Variants in PACRG observed in about 807,000 individuals in gnomAD.
The protein encoded by PACRG is parkin coregulated gene protein.
Under a neutral mutation model 29.7 loss-of-function variants are expected in PACRG, and 29 were observed. That is an observed-to-expected ratio of 0.98 (90% CI 0.73 to 1.33). The LOEUF (loss-of-function observed/expected upper bound fraction) is 1.33. Ranked by LOEUF, PACRG falls within the 40% of genes most tolerant of loss-of-function variation. The pLI is 0.00. For synonymous variants in PACRG, 116 were observed against 118.7 expected, an observed-to-expected ratio of 0.98 and a Z score of 0.15; for missense variants, 279 against 316.2, an observed-to-expected ratio of 0.88 and a Z score of 0.89.
chr6:162,779,022 G>A (rs545329492), intron 1 of PACRG, among the ~76,000 whole-genome samples: 41 of 152,218 alleles, frequency 2.7e-4, no homozygotes, highest in African/African-American at 4.1e-4. Context: ...TTCCTGATGC[G>A]TTCCCTCCCT....
intron 4 of PACRG, among the ~76,000 whole-genome samples, chr6:163,197,744 C>T (rs748358343): frequency 1.1e-4 from 16 of 152,056 alleles, no homozygotes; most frequent in Middle Eastern, 3.2e-3. Context: ...CCACTGAGCC[C>T]GCCGGCTATT....
At chr6:162,842,478 G>A (rs1789881521) in intron 2 of PACRG, among the ~76,000 whole-genome samples, 2 of 152,020 alleles carry the variant, frequency 1.3e-5, no homozygotes, top group Non-Finnish European at 2.9e-5. Context: ...TTTATTTTGA[G>A]CCTGTGTGTG....
At chr6:163,175,919 G>A (rs775356337) in intron 4 of PACRG, among the ~76,000 whole-genome samples, 2 of 152,078 alleles carry the variant, frequency 1.3e-5, no homozygotes, top group Non-Finnish European at 2.9e-5. Flanking sequence ...TCAGATACTC[G>A]AATCATTCCC....
intron 4 of PACRG, among the ~76,000 whole-genome samples, chr6:163,206,109 T>TG (rs896397990): frequency 6.6e-6 from 1 of 152,120 alleles, no homozygotes; most frequent in African/African-American, 2.4e-5. Flanking sequence ...ACACTGCTGG[T>TG]GGGGGAGTGT....
chr6:163,067,235 C>T (rs186678017), intron 3 of PACRG, among the ~76,000 whole-genome samples: 3 of 152,360 alleles, frequency 2.0e-5, no homozygotes, highest in Admixed American at 2.0e-4. Flanking sequence ...GATGCTGCAT[C>T]TCTGACAAGC....
chr6:163,160,848 T>C (rs994581000), intron 4 of PACRG, among the ~76,000 whole-genome samples: 2 of 152,194 alleles, frequency 1.3e-5, no homozygotes, highest in Admixed American at 1.3e-4. Flanking sequence ...ATTCCCACCA[T>C]GGTCTCTGGT....
At chr6:162,817,612 A>G (rs562843932) in intron 2 of PACRG, among the ~76,000 whole-genome samples, 9 of 152,320 alleles carry the variant, frequency 5.9e-5, no homozygotes, top group African/African-American at 2.2e-4. Flanking sequence ...GTGATTAAGC[A>G]CTTGAAATGT....
chr6:163,054,009 G>C (rs540539232), intron 2 of PACRG: 1 of 152,258 alleles, frequency 6.6e-6, no homozygotes, highest in African/African-American at 2.4e-5. Flanking sequence ...AAATGATGAG[G>C]CTACAAAAAA....
chr6:162,761,686 C>A (rs974437249), intron 1 of PACRG, among the ~76,000 whole-genome samples: 2 of 152,214 alleles, frequency 1.3e-5, no homozygotes, highest in East Asian at 1.9e-4. Context: ...CGCCTGTAAT[C>A]CCAGCACTTT....
At chr6:162,905,136 G>A (rs1046677001) in intron 2 of PACRG, among the ~76,000 whole-genome samples, 1 of 152,166 alleles carries the variant, frequency 6.6e-6, no homozygotes, top group African/African-American at 2.4e-5. Flanking sequence ...GGTGGTGGTG[G>A]CCTCGTTGCC....
intron 4 of PACRG, among the ~76,000 whole-genome samples, chr6:163,179,044 G>A (rs914231421): frequency 6.6e-6 from 1 of 152,124 alleles, no homozygotes; most frequent in African/African-American, 2.4e-5. Context: ...GAATTTTCAG[G>A]CTGATGAAAT....
chr6:162,966,127 AC>A (rs1800999188), intron 2 of PACRG, among the ~76,000 whole-genome samples: 1 of 152,228 alleles, frequency 6.6e-6, no homozygotes, highest in Non-Finnish European at 1.5e-5. Flanking sequence ...GCTTGCCTGG[AC>A]ACTGTTGAGA....
chr6:162,740,814 T>C (rs1780532946), intron 1 of PACRG, among the ~76,000 whole-genome samples: 2 of 151,940 alleles, frequency 1.3e-5, no homozygotes, highest in South Asian at 4.2e-4. Context: ...TTAGCCAGGA[T>C]GGTCTTGATC....
chr6:163,254,031 G>A (rs553624585), intron 4 of PACRG, among the ~76,000 whole-genome samples: 1 of 152,316 alleles, frequency 6.6e-6, no homozygotes, highest in South Asian at 2.1e-4. Context: ...GTAGAGCACA[G>A]GGCAGAAGCG....
chr6:162,737,705 G>A (rs1269917184), intron 1 of PACRG, among the ~76,000 whole-genome samples: 4 of 151,960 alleles, frequency 2.6e-5, no homozygotes. Flanking sequence ...ACATTTTACC[G>A]GTTTAATCTT....
intron 2 of PACRG, among the ~76,000 whole-genome samples, chr6:162,942,044 T>C (rs188994191): frequency 3.3e-5 from 5 of 152,318 alleles, no homozygotes. Context: ...AACCCTTACC[T>C]CAGAGTAGAA....
chr6:162,989,539 C>A (rs1474820645), intron 2 of PACRG, among the ~76,000 whole-genome samples: 1 of 152,100 alleles, frequency 6.6e-6, no homozygotes, highest in East Asian at 1.9e-4. Context: ...ATACCTAATA[C>A]AATGTAAATG....
At chr6:163,012,598 G>A (rs892603070) in intron 2 of PACRG, among the ~76,000 whole-genome samples, 1 of 152,210 alleles carries the variant, frequency 6.6e-6, no homozygotes, top group African/African-American at 2.4e-5. Context: ...TGACCGACTG[G>A]GCAGAGCCCA....
chr6:162,872,028 T>C (rs528515565), intron 2 of PACRG, among the ~76,000 whole-genome samples: 3 of 150,854 alleles, frequency 2.0e-5, no homozygotes, highest in Non-Finnish European at 1.5e-5. Context: ...TAAGATTAAC[T>C]ACCATTTTTT....
Sources: gnomAD v4.1 joint callset for allele counts (sites outside exome capture counted in the v4.1 genomes callset) on GRCh38, gnomAD v4.1.1 for gene constraint, MANE v1.5 for transcripts, NCBI Gene and HGNC (gene_info 2026-07-23, HGNC 2026-07-21) for gene names.